Variants in COL9A1 observed in about 807,000 individuals in gnomAD.
COL9A1 encodes the protein collagen alpha-1(IX) chain.
Under a neutral mutation model 142.6 loss-of-function variants are expected in COL9A1, and 104 were observed. The ratio of observed to expected loss-of-function variants is 0.73; its 90% CI spans 0.62 to 0.86. The LOEUF is 0.86. Among genes scored for constraint, COL9A1 ranks in the 40% least tolerant of loss-of-function variants. COL9A1 has a pLI of 0.00. For missense variants in COL9A1, 1,210 were observed against 1,176.6 expected (o/e 1.03, Z -0.42); for synonymous variants, 466 against 396.0 (o/e 1.18, Z -2.10).
At chr6:70,262,127 T>TA (rs1771729700) in intron 19 of COL9A1, among the ~76,000 whole-genome samples, 1 of 151,856 alleles carries the variant, frequency 6.6e-6, no homozygotes, top group African/African-American at 2.4e-5. Flanking sequence ...TAAAATTTTT[T>TA]TAAAAAACTT....
chr6:70,259,883 T>C (rs1562309510), intron 20 of COL9A1, among the ~76,000 whole-genome samples: 1 of 152,016 alleles, frequency 6.6e-6, no homozygotes, highest in Non-Finnish European at 1.5e-5. Flanking sequence ...CAGGCTAGTG[T>C]CCTCCAGCCA....
intron 4 of COL9A1, among the ~76,000 whole-genome samples, chr6:70,299,283 T>C (rs1173785037): frequency 2.6e-5 from 4 of 152,098 alleles, no homozygotes; most frequent in Admixed American, 1.3e-4. Flanking sequence ...TCTTTATAAC[T>C]TAATTTCTAT....
rs561718809 is a variant in COL9A1, at chr6:70,252,456, ATC to A, written c.1765-143_1765-142del. On this transcript the variant is annotated intron_variant, in intron 26 of 37. Transcript: ENST00000357250. Reference sequence around the variant, plus strand: ...CACTGAGAATCTGGGAATGTGCAGAATCTCTTTCTTGTTAGATACATCGAAAT... The same window carrying A: ...CACTGAGAATCTGGGAATGTGCAGAATCTTTCTTGTTAGATACATCGAAAT... 779 of 775,070 alleles carry A rather than the reference ATC, an allele frequency of 1.0e-3. 4 individuals are homozygous for A. The African/African-American group carries it at 0.011, about 11-fold the overall frequency. The allele number at this position is 775,070 out of a possible 1,614,324, so 48.0% of individuals were successfully genotyped here. A position where few individuals can be genotyped will look rare whatever the true frequency, so the allele number is the denominator to read the frequency against.
chr6:70,231,697 T>C (rs1333598701), intron 36 of COL9A1, among the ~76,000 whole-genome samples: 6 of 150,382 alleles, frequency 4.0e-5, no homozygotes, highest in African/African-American at 1.5e-4. Flanking sequence ...TTATCCCTAA[T>C]TGGAGCACCG....
intron 37 of COL9A1, among the ~76,000 whole-genome samples, chr6:70,223,624 C>T (rs1284082640): frequency 1.3e-5 from 2 of 152,356 alleles, no homozygotes; most frequent in Middle Eastern, 3.4e-3. Context: ...GGGCCGACCT[C>T]GAAACCCAAG....
chr6:70,223,568 G>A (rs1269083021), intron 37 of COL9A1, among the ~76,000 whole-genome samples: 4 of 152,192 alleles, frequency 2.6e-5, no homozygotes, highest in African/African-American at 9.7e-5. Context: ...CTCATGTCAG[G>A]AACTTGACTG....
At chr6:70,223,173 C>A (rs1241517645) in intron 37 of COL9A1, among the ~76,000 whole-genome samples, 1 of 152,118 alleles carries the variant, frequency 6.6e-6, no homozygotes, top group Non-Finnish European at 1.5e-5. Flanking sequence ...GAGAAAAAAG[C>A]TGCAGGGGCT....
At chr6:70,285,834 G>T (rs182552169) in intron 5 of COL9A1, among the ~76,000 whole-genome samples, 2 of 152,244 alleles carry the variant, frequency 1.3e-5, no homozygotes, top group African/African-American at 4.8e-5. Context: ...TGAATGTAAG[G>T]TTCCTCACAT....
chr6:70,233,899 A>G (rs1769718441), intron 35 of COL9A1, among the ~76,000 whole-genome samples: 1 of 152,228 alleles, frequency 6.6e-6, no homozygotes, highest in African/African-American at 2.4e-5. Flanking sequence ...AGAACTCCTC[A>G]GCTATAGGGT....
chr6:70,256,014 A>C (rs907732229), intron 21 of COL9A1, among the ~76,000 whole-genome samples: 7 of 152,122 alleles, frequency 4.6e-5, no homozygotes, highest in Non-Finnish European at 2.9e-5. Context: ...TTCCAATCTC[A>C]TCTTTTCAAC....
At chr6:70,283,715 T>C (rs1480159876) in intron 6 of COL9A1, 22 bp downstream of exon 6, 1 of 1,595,296 alleles carries the variant, frequency 6.3e-7, no homozygotes, top group Non-Finnish European at 8.6e-7. Flanking sequence ...AAGTGGCCTT[T>C]GCAGGTAGTC....
At chr6:70,262,164 T>TA (rs1771732474) in intron 19 of COL9A1, among the ~76,000 whole-genome samples, 2 of 144,396 alleles carry the variant, frequency 1.4e-5, no homozygotes, top group Non-Finnish European at 3.1e-5. Flanking sequence ...TTTCATCAGA[T>TA]CAAAAAAAAA....
At chr6:70,254,741 T>G in intron 24 of COL9A1, 1 of 677,062 alleles carries the variant, frequency 1.5e-6, no homozygotes, top group Non-Finnish European at 2.6e-6. Flanking sequence ...TCAACTTACT[T>G]TCATCAACAG....
intron 33 of COL9A1, among the ~76,000 whole-genome samples, chr6:70,236,649 C>T (rs1034735927): frequency 7.2e-5 from 11 of 152,098 alleles, no homozygotes; most frequent in African/African-American, 2.2e-4. Context: ...TTTCCAATTT[C>T]GCTTTATGCA....
chr6:70,281,949 G>T (rs1348829621), intron 7 of COL9A1, among the ~76,000 whole-genome samples: 3 of 152,148 alleles, frequency 2.0e-5, no homozygotes, highest in East Asian at 1.9e-4. Flanking sequence ...TTGAGGAAAA[G>T]ATTTGGGAGG....
At chr6:70,299,890 A>G (rs1309388559) in intron 4 of COL9A1, among the ~76,000 whole-genome samples, 153 bp downstream of exon 4, 2 of 152,252 alleles carry the variant, frequency 1.3e-5, no homozygotes, top group African/African-American at 4.8e-5. Context: ...GTATTAAGGT[A>G]CTGAAGATAG....
At position 70,232,767 on chromosome 6, in the gene COL9A1, A is replaced by G. The variant is rs972916458; in HGVS notation, c.2319T>C (p.His773=). 4.3e-6 allele frequency: 7 copies of G among 1,611,144 alleles called. No homozygotes were observed. Among genetic ancestry groups the G allele is most frequent in the Non-Finnish European group, 5.9e-6 (7 of 1,178,454 alleles). The change falls in exon 36 of 38, where the codon CAT becomes CAC. Residue 773 remains histidine (H), a synonymous_variant. Coordinates refer to ENST00000357250, the MANE Select transcript of COL9A1 (RefSeq NM_001851.6). ...KQVCMRVIQE[H]FAEMAASLKR... ...TAAGACTGGCAGCCATCTCAGCAAAATGTTCTAAAAGAGAATAAACAAAAC... is the reference window on the plus strand; with the variant it reads ...TAAGACTGGCAGCCATCTCAGCAAAGTGTTCTAAAAGAGAATAAACAAAAC...
At chr6:70,271,621 G>A (rs920540035) in intron 14 of COL9A1, 34 bp downstream of exon 14, 2 of 1,601,962 alleles carry the variant, frequency 1.2e-6, no homozygotes, top group Admixed American at 3.3e-5. Context: ...TATTAAATCA[G>A]CAAACGTCTA....
chr6:70,241,539 G>C, intron 30 of COL9A1, 85 bp from the exon 31 acceptor site: 2 of 1,089,042 alleles, frequency 1.8e-6, no homozygotes, highest in Non-Finnish European at 2.8e-6. Context: ...GGGTGGATAA[G>C]CACAAGTACG....
Sources: allele counts gnomAD v4.1 joint callset (sites outside exome capture counted in the v4.1 genomes callset), GRCh38; gene constraint gnomAD v4.1.1; transcripts MANE v1.5; gene names NCBI Gene and HGNC (gene_info 2026-07-23, HGNC 2026-07-21).